AKIRIN1: variants seen among roughly 807,000 people sequenced by gnomAD.
The protein encoded by AKIRIN1 is akirin-1.
A neutral mutation model predicts 25.9 loss-of-function variants in AKIRIN1; 4 were observed. The ratio of observed to expected loss-of-function variants is 0.15; its 90% CI spans 0.08 to 0.35. AKIRIN1 has a LOEUF of 0.35. Among genes scored for constraint, AKIRIN1 ranks in the 10% least tolerant of loss-of-function variants. The pLI is 1.00. For synonymous variants in AKIRIN1, 125 were observed against 105.1 expected, an observed-to-expected ratio of 1.19 and a Z score of -1.16; for missense variants, 243 against 266.1, an observed-to-expected ratio of 0.91 and a Z score of 0.61.
At chr1:38,995,894 T>C (rs2148066053) in intron 1 of AKIRIN1, among the ~76,000 whole-genome samples, 1 of 152,106 alleles carries the variant, frequency 6.6e-6, no homozygotes, top group South Asian at 2.1e-4. Flanking sequence ...ATTAGGTGGG[T>C]GTGGTGGCGG....
At chr1:38,998,028 G>A (rs762836106) in intron 1 of AKIRIN1, 143 bp from the exon 2 acceptor site, 68 of 866,354 alleles carry the variant, frequency 7.8e-5, no homozygotes, top group Middle Eastern at 7.3e-4. Flanking sequence ...TGTTTATGTC[G>A]GGGGAGGGGG....
intron 3 of AKIRIN1, among the ~76,000 whole-genome samples, chr1:39,002,155 G>A (rs912641568): frequency 6.6e-6 from 1 of 152,216 alleles, no homozygotes; most frequent in Non-Finnish European, 1.5e-5. Flanking sequence ...GTCCTCAGCT[G>A]TACCCTATGG....
chr1:38,992,761 T>TG lies in AKIRIN1; in HGVS notation c.220+1162dup, dbSNP rs1343608080. Among the ~76,000 whole-genome samples the TG allele has an allele frequency of 5.9e-5, 9 of 152,268 alleles. No individual in the cohort carries two copies. In the South Asian group the frequency reaches 6.2e-4, roughly 11 times the overall value. ...AGTCTCTTACACATTTTTTTCAAAC[T>TG]GTGCCTCTGCTTTTTCCCCCAGACC... On this transcript the variant is annotated intron_variant, in intron 1 of 4. Transcript: ENST00000432648.
chr1:39,003,991 A>G, intron 4 of AKIRIN1, 54 bp from the exon 5 acceptor site: 2 of 1,515,194 alleles, frequency 1.3e-6, no homozygotes. Flanking sequence ...TTAAAGCATG[A>G]CACTACAGTT....
chr1:39,000,310 G>A (rs1643979667), intron 2 of AKIRIN1, among the ~76,000 whole-genome samples: 1 of 151,280 alleles, frequency 6.6e-6, no homozygotes, highest in Non-Finnish European at 1.5e-5. Flanking sequence ...TCTTCTGTGA[G>A]TGAACCTGAT....
At chr1:39,003,550 T>C (rs2148070560) in intron 4 of AKIRIN1, 132 bp downstream of exon 4, 3 of 785,358 alleles carry the variant, frequency 3.8e-6, no homozygotes, top group East Asian at 5.3e-5. Context: ...GAGTATTAAA[T>C]CCACACCAAA....
chr1:39,000,788 C>G (rs889208469), intron 2 of AKIRIN1, among the ~76,000 whole-genome samples, 184 bp from the exon 3 acceptor site: 6 of 152,034 alleles, frequency 3.9e-5, no homozygotes, highest in Admixed American at 6.6e-5. Flanking sequence ...TCCCGAGTAG[C>G]TGGGATAATG....
chr1:38,998,064 A>G, intron 1 of AKIRIN1, 107 bp from the exon 2 acceptor site: 1 of 1,225,526 alleles, frequency 8.2e-7, no homozygotes, highest in Non-Finnish European at 1.1e-6. Context: ...TGCCAAAGGG[A>G]GTATCTAAAG....
At chr1:38,992,375 G>A (rs1212950073) in intron 1 of AKIRIN1, among the ~76,000 whole-genome samples, 4 of 152,160 alleles carry the variant, frequency 2.6e-5, no homozygotes, top group Non-Finnish European at 5.9e-5. Context: ...GTAGAGGGGA[G>A]GGTGCTTCAG....
At chr1:38,993,932 T>C (rs1231530923) in intron 1 of AKIRIN1, among the ~76,000 whole-genome samples, 1 of 151,630 alleles carries the variant, frequency 6.6e-6, no homozygotes, top group Non-Finnish European at 1.5e-5. Context: ...TAGTGGGGCA[T>C]GGTGGTGCAT....
chr1:38,994,672 ATTTTTTTTTTTTT>A (rs10528399), intron 1 of AKIRIN1, among the ~76,000 whole-genome samples: 38 of 63,562 alleles, frequency 6.0e-4, no homozygotes, highest in South Asian at 4.3e-3. Flanking sequence ...CGCTCGGCTA[ATTTTTTTTTTTTT>A]TTTTTTTTTT....
chr1:39,000,033 C>T (rs986428633), intron 2 of AKIRIN1, among the ~76,000 whole-genome samples: 1 of 151,972 alleles, frequency 6.6e-6, no homozygotes, highest in Non-Finnish European at 1.5e-5. Flanking sequence ...CAGGCGCCCA[C>T]CAGCATACCC....
chr1:38,997,360 G>C (rs2148066852), intron 1 of AKIRIN1, among the ~76,000 whole-genome samples: 1 of 152,292 alleles, frequency 6.6e-6, no homozygotes, highest in East Asian at 1.9e-4. Flanking sequence ...CCCACACACT[G>C]AGTTGCCTCT....
intron 1 of AKIRIN1, among the ~76,000 whole-genome samples, chr1:38,992,775 T>C (rs534124220): frequency 6.6e-6 from 1 of 152,180 alleles, no homozygotes; most frequent in Admixed American, 6.5e-5. Flanking sequence ...CCTCTGCTTT[T>C]TCCCCCAGAC....
In AKIRIN1 at chr1:39,001,075, G is replaced by A. The variant is rs778728244; in HGVS notation, c.465G>A (p.Glu155=). Residue 155 remains glutamate, a synonymous_variant, in exon 3 of 5, where the codon GAG becomes GAA. Transcript: ENST00000432648. ...ACTATGAAGATAAAATTCGGGAGGA[G>A]TATGAGCAAATCCTCAATACCAAAC... The part of the protein sequence containing the change: ...LKDYEDKIRE[E]YEQILNTKLA... 6 of 1,613,530 alleles carry A rather than the reference G, an allele frequency of 3.7e-6. No homozygotes were observed. The East Asian group carries it at 6.7e-5, about 18-fold the overall frequency.
intron 1 of AKIRIN1, among the ~76,000 whole-genome samples, chr1:38,992,259 GAACT>G (rs1643912169): frequency 1.3e-5 from 2 of 152,276 alleles, no homozygotes; most frequent in South Asian, 2.1e-4. Context: ...AGGTTCTACA[GAACT>G]AAGAATGTAA....
Position 39,001,201 on chromosome 1 carries a change from G to T in AKIRIN1, c.496+95G>T, listed in dbSNP as rs532378909. On this transcript the variant is annotated intron_variant, in intron 3 of 4. Coordinates refer to ENST00000432648, the MANE Select transcript of AKIRIN1 (RefSeq NM_024595.3). Reference sequence around the variant, plus strand: ...TTAGAAAAAGAGAGTAGGACCTCATGCAAGGGAGTTTATTGAGTTGCGGGT... The same window carrying T: ...TTAGAAAAAGAGAGTAGGACCTCATTCAAGGGAGTTTATTGAGTTGCGGGT... 6.5e-5 allele frequency: 93 copies of T among 1,420,534 alleles called. 1 individual carries two copies. In the South Asian group the frequency reaches 1.4e-3, roughly 21 times the overall value. 88.0% of individuals were successfully genotyped at this position (1,420,534 alleles called of 1,614,324 possible).
intron 2 of AKIRIN1, 29 bp downstream of exon 2, chr1:38,998,340 C>T: frequency 2.5e-6 from 4 of 1,572,484 alleles, no homozygotes; most frequent in Non-Finnish European, 3.5e-6. Flanking sequence ...GCAAAATTCG[C>T]ATTAAGAGTT....
Position 38,991,293 on chromosome 1 carries a change from A to G in AKIRIN1, c.-88A>G. 8.4e-7 allele frequency: 1 copy of G among 1,190,660 alleles called. No homozygotes were observed. The highest frequency in any genetic ancestry group is 1.1e-6 in the Non-Finnish European group (1 of 925,986). The allele number at this position is 1,190,660 out of a possible 1,614,324, so 73.8% of individuals were successfully genotyped here. On this transcript the variant is annotated 5_prime_UTR_variant, in exon 1 of 5. Coordinates refer to ENST00000432648, the MANE Select transcript of AKIRIN1 (RefSeq NM_024595.3). ...TGCCGGGTGCTGGAGGCGCCATTGG[A>G]GCCGGCTTGGCTGGCGAGCCCGGCT...
Sources: gnomAD v4.1 joint callset for allele counts (sites outside exome capture counted in the v4.1 genomes callset) on GRCh38, gnomAD v4.1.1 for gene constraint, MANE v1.5 for transcripts, NCBI Gene and HGNC (gene_info 2026-07-23, HGNC 2026-07-21) for gene names.